The following NTRK3 variants were observed in gnomAD, a reference collection of about 807,000 sequenced individuals.
NTRK3 encodes neurotrophic receptor tyrosine kinase 3.
In NTRK3, 24 loss-of-function variants were observed where a neutral mutation model predicts 91.7. The ratio of observed to expected loss-of-function variants is 0.26; its 90% CI spans 0.19 to 0.37. NTRK3 has a LOEUF of 0.37. NTRK3 is among the 10% of genes least tolerant of loss of function. NTRK3 has a pLI of 1.00. For synonymous variants in NTRK3, 483 were observed against 404.0 expected (o/e 1.20, Z -2.34); for missense variants, 880 against 1,068.9 (o/e 0.82, Z 2.46).
intron 17 of NTRK3, among the ~76,000 whole-genome samples, chr15:87,884,891 C>T (rs1301128997): frequency 1.3e-5 from 2 of 151,674 alleles, no homozygotes; most frequent in Non-Finnish European, 1.5e-5. Context: ...TCTTCTATCA[C>T]GAATTTTATG....
At chr15:88,256,225 A>AG (rs1227137062) in intron 2 of NTRK3, 57 bp from the exon 3 acceptor site, 15 of 235,278 alleles carry the variant, frequency 6.4e-5, no homozygotes, top group Admixed American at 1.7e-4. Context: ...TGGGGAGAGC[A>AG]GGGGGGGAAG....
chr15:88,151,948 T>C (rs555707475), intron 5 of NTRK3, among the ~76,000 whole-genome samples: 7 of 152,310 alleles, frequency 4.6e-5, no homozygotes, highest in African/African-American at 1.7e-4. Context: ...TTGGTCCCTC[T>C]CACTTGAGTG....
chr15:88,208,813 G>C (rs140567601), intron 3 of NTRK3, among the ~76,000 whole-genome samples: 144 of 152,296 alleles, frequency 9.5e-4, no homozygotes, highest in African/African-American at 3.3e-3. Flanking sequence ...CCAATGCCTG[G>C]AGCCCACCCT....
intron 14 of NTRK3, among the ~76,000 whole-genome samples, chr15:88,032,291 C>T (rs1342417007): frequency 2.0e-5 from 3 of 152,180 alleles, no homozygotes; most frequent in East Asian, 1.9e-4. Flanking sequence ...GAAACAGGTG[C>T]CCTGAGCCCT....
chr15:88,130,403 G>A (rs1184876702), intron 10 of NTRK3, among the ~76,000 whole-genome samples: 1 of 152,132 alleles, frequency 6.6e-6, no homozygotes, highest in Non-Finnish European at 1.5e-5. Context: ...GAATGTTAGA[G>A]TGTGAAAGAA....
chr15:88,016,781 T>G (rs1354199609), intron 14 of NTRK3, among the ~76,000 whole-genome samples: 3 of 152,216 alleles, frequency 2.0e-5, no homozygotes, highest in Non-Finnish European at 4.4e-5. Flanking sequence ...CGTCAGTAAT[T>G]TCTTTATTAG....
chr15:87,923,373 G>T (rs1019191617), intron 17 of NTRK3, among the ~76,000 whole-genome samples: 1 of 152,184 alleles, frequency 6.6e-6, no homozygotes, highest in African/African-American at 2.4e-5. Flanking sequence ...CTTCATGCCA[G>T]TTTCTCCTTT....
chr15:87,904,689 C>T (rs1324338726), intron 17 of NTRK3, among the ~76,000 whole-genome samples: 1 of 152,150 alleles, frequency 6.6e-6, no homozygotes, highest in Non-Finnish European at 1.5e-5. Context: ...TAAGACATAT[C>T]TTGTATGTGT....
In NTRK3 at chr15:88,142,560, C is replaced by G. The variant is rs1243959098; in HGVS notation, c.464+4775G>C. On this transcript the variant is annotated intron_variant, in intron 6 of 18. Transcript: ENST00000394480. The stretch of plus-strand genomic sequence containing the variant: ...AGCATCAACACTTCCAGTGACAGTC[C>G]TGGGGCCAGGCAGTGGAAAATGAGG... Among the ~76,000 whole-genome samples, 5 of 152,200 alleles carry G rather than the reference C, an allele frequency of 3.3e-5. 1 individual carries two copies. The highest frequency in any genetic ancestry group is 1.2e-4 in the African/African-American group (5 of 41,452).
At chr15:88,126,927 A>T (rs1167167480) in intron 12 of NTRK3, among the ~76,000 whole-genome samples, 3 of 152,194 alleles carry the variant, frequency 2.0e-5, no homozygotes, top group Non-Finnish European at 4.4e-5. Flanking sequence ...GGCTCCTAAC[A>T]GACTGGGGAT....
At chr15:87,903,272 G>T (rs568927026) in intron 17 of NTRK3, among the ~76,000 whole-genome samples, 9 of 152,338 alleles carry the variant, frequency 5.9e-5, no homozygotes, top group Admixed American at 2.0e-4. Flanking sequence ...TGAGTCATTT[G>T]TCCCAAAAGA....
intron 14 of NTRK3, among the ~76,000 whole-genome samples, chr15:87,961,899 C>T (rs935345739): frequency 2.0e-5 from 3 of 152,272 alleles, no homozygotes; most frequent in Non-Finnish European, 4.4e-5. Flanking sequence ...ATTCCAACTA[C>T]CCCTGCTTCC....
In NTRK3 at chr15:88,072,401, G is replaced by T. The variant is rs189695207; in HGVS notation, c.1397-39356C>A. On this transcript the variant is annotated intron_variant, in intron 13 of 18. Transcript: ENST00000394480. The stretch of plus-strand genomic sequence containing the variant: ...CTCAGGGCTGATTTTGGTTTTCTTT[G>T]AATCAATTACAGTGCAAGACACTGA... 494 of 215,228 alleles carry T rather than the reference G, an allele frequency of 2.3e-3. 2 individuals are homozygous for T. Among genetic ancestry groups the T allele is most frequent in the Non-Finnish European group, 3.7e-3 (392 of 106,624 alleles). 13.3% of individuals were successfully genotyped at this position (215,228 alleles called of 1,614,324 possible). A position where few individuals can be genotyped will look rare whatever the true frequency, so the allele number is the denominator to read the frequency against.
At chr15:88,222,170 G>T (rs181022296) in intron 3 of NTRK3, among the ~76,000 whole-genome samples, 22 of 152,370 alleles carry the variant, frequency 1.4e-4, no homozygotes, top group Non-Finnish European at 2.6e-4. Flanking sequence ...GAGATTCTCT[G>T]TGACACGGGC....
chr15:88,250,691 C>T (rs1278746869), intron 3 of NTRK3, among the ~76,000 whole-genome samples: 1 of 152,168 alleles, frequency 6.6e-6, no homozygotes, highest in African/African-American at 2.4e-5. Flanking sequence ...GCTTCAGGAC[C>T]ACCTCTTCTG....
intron 5 of NTRK3, among the ~76,000 whole-genome samples, chr15:88,181,324 T>G (rs2046436330): frequency 6.6e-6 from 1 of 151,972 alleles, no homozygotes; most frequent in South Asian, 2.1e-4. Flanking sequence ...CTGCCACCAC[T>G]CAGCAGACCC....
chr15:88,066,576 C>T (rs2046668707), intron 13 of NTRK3, among the ~76,000 whole-genome samples: 1 of 152,168 alleles, frequency 6.6e-6, no homozygotes, highest in Non-Finnish European at 1.5e-5. Context: ...CCAGCAGCCT[C>T]CTGGATGGAC....
intron 13 of NTRK3, among the ~76,000 whole-genome samples, chr15:88,036,611 C>G (rs943746654): frequency 6.6e-6 from 1 of 152,176 alleles, no homozygotes; most frequent in African/African-American, 2.4e-5. Flanking sequence ...AGCCGCAGGG[C>G]TGCGGGAAGG....
chr15:88,222,964 C>G (rs2050359725), intron 3 of NTRK3, among the ~76,000 whole-genome samples: 1 of 152,200 alleles, frequency 6.6e-6, no homozygotes, highest in African/African-American at 2.4e-5. Flanking sequence ...CTGCCTCACA[C>G]TGGGCTGAGA....
Sources: gnomAD v4.1 joint callset for allele counts (sites outside exome capture counted in the v4.1 genomes callset) on GRCh38, gnomAD v4.1.1 for gene constraint, MANE v1.5 for transcripts, NCBI Gene and HGNC (gene_info 2026-07-23, HGNC 2026-07-21) for gene names.